Variants in MLLT3 observed in about 807,000 individuals in gnomAD.
MLLT3 encodes MLLT3 super elongation complex subunit.
In MLLT3, 4 loss-of-function variants were observed where a neutral mutation model predicts 53.2. That is an observed-to-expected ratio of 0.08 (90% confidence interval 0.04 to 0.17). The LOEUF (loss-of-function observed/expected upper bound fraction) is 0.17. Ranked by LOEUF, MLLT3 falls within the 10% of genes least tolerant of loss-of-function variation. The pLI is 1.00. For synonymous variants in MLLT3, 283 were observed against 230.6 expected, an observed-to-expected ratio of 1.23 and a Z score of -2.06; for missense variants, 569 against 684.0, an observed-to-expected ratio of 0.83 and a Z score of 1.87.
intron 2 of MLLT3, among the ~76,000 whole-genome samples, chr9:20,470,307 T>C (rs1298878594): frequency 6.6e-6 from 1 of 152,004 alleles, no homozygotes; most frequent in Non-Finnish European, 1.5e-5. Flanking sequence ...GGCATTATAA[T>C]CCCATCTTGA....
intron 10 of MLLT3, among the ~76,000 whole-genome samples, chr9:20,352,305 G>A (rs150875070): frequency 6.6e-6 from 1 of 152,322 alleles, no homozygotes; most frequent in Non-Finnish European, 1.5e-5. Flanking sequence ...TTGCTCCACA[G>A]TGGTTCAGAG....
intron 2 of MLLT3, among the ~76,000 whole-genome samples, chr9:20,591,851 G>A (rs1820138089): frequency 6.6e-6 from 1 of 152,170 alleles, no homozygotes; most frequent in Non-Finnish European, 1.5e-5. Context: ...AAGAAAGGAA[G>A]AGTGTTTTTA....
rs555068643 is a variant in MLLT3 at position 20,619,584 on chromosome 9, C to G, written c.193+1070G>C. Among the ~76,000 whole-genome samples, 55 of 152,334 alleles carry G rather than the reference C, an allele frequency of 3.6e-4. No individual in the cohort carries two copies. In the South Asian group the frequency reaches 3.9e-3, roughly 11 times the overall value. ...TTACGGATCAAATGGAAGATAACTACTAACCATTGTGTCGACTTAGATAAA... is the reference window on the plus strand; with the variant it reads ...TTACGGATCAAATGGAAGATAACTAGTAACCATTGTGTCGACTTAGATAAA... On this transcript the variant is annotated intron_variant, in intron 2 of 10. Transcript: ENST00000380338.
At chr9:20,480,916 G>A (rs1041125141) in intron 2 of MLLT3, among the ~76,000 whole-genome samples, 2 of 152,050 alleles carry the variant, frequency 1.3e-5, no homozygotes, top group Non-Finnish European at 2.9e-5. Flanking sequence ...CTTATTCAAA[G>A]GAGAATAAAA....
intron 5 of MLLT3, among the ~76,000 whole-genome samples, chr9:20,378,423 T>G (rs61369948): frequency 0.029 from 4,391 of 152,124 alleles, 173 homozygotes; most frequent in Admixed American, 0.098. Context: ...CATTTTACAG[T>G]ATTTTATAAC....
In MLLT3 at chr9:20,610,380, T is replaced by C. The variant is rs573645123; in HGVS notation, c.193+10274A>G. ...ATTCATTTTTGCCTATTACAAATGC[T>C]AGAACACATTCTAGAAAATGTGATT... On this transcript the variant is annotated intron_variant, in intron 2 of 10. Coordinates refer to ENST00000380338, the MANE Select transcript of MLLT3 (RefSeq NM_004529.4). Among the ~76,000 whole-genome samples the C allele has an allele frequency of 4.6e-5, 7 of 152,278 alleles. No homozygotes were observed. The East Asian group carries it at 1.3e-3, about 29-fold the overall frequency.
intron 5 of MLLT3, among the ~76,000 whole-genome samples, chr9:20,412,534 C>T (rs747436698): frequency 6.2e-4 from 95 of 152,182 alleles, no homozygotes; most frequent in Non-Finnish European, 1.2e-3. Context: ...TGGCTTTCTA[C>T]CCAGAACAGT....
chr9:20,545,002 G>C (rs1335166273), intron 2 of MLLT3, among the ~76,000 whole-genome samples: 3 of 145,956 alleles, frequency 2.1e-5, no homozygotes, highest in Non-Finnish European at 3.0e-5. Flanking sequence ...GGCTGAGGTA[G>C]AAGGGCCATT....
chr9:20,431,283 T>C (rs1321126673), intron 4 of MLLT3, among the ~76,000 whole-genome samples: 1 of 152,132 alleles, frequency 6.6e-6, no homozygotes, highest in Non-Finnish European at 1.5e-5. Flanking sequence ...TTTATATTTT[T>C]AGGCCCCACC....
chr9:20,585,493 G>A (rs1391939768), intron 2 of MLLT3, among the ~76,000 whole-genome samples: 2 of 152,278 alleles, frequency 1.3e-5, no homozygotes, highest in South Asian at 2.1e-4. Context: ...GTAAAGAACC[G>A]TGAAACCATC....
intron 2 of MLLT3, among the ~76,000 whole-genome samples, chr9:20,564,150 T>C: frequency 6.6e-6 from 1 of 152,104 alleles, no homozygotes; most frequent in Non-Finnish European, 1.5e-5. Context: ...CATCCCTGAG[T>C]GCATACCCTT....
At chr9:20,550,230 T>A (rs1480594929) in intron 2 of MLLT3, among the ~76,000 whole-genome samples, 3 of 152,158 alleles carry the variant, frequency 2.0e-5, no homozygotes, top group Admixed American at 2.0e-4. Flanking sequence ...AAGCACTTCA[T>A]GAGAGAAGTG....
chr9:20,381,147 C>T lies in MLLT3; in HGVS notation c.1126-15403G>A, dbSNP rs867550352. Among the ~76,000 whole-genome samples, 11 of 152,040 alleles carry T rather than the reference C, an allele frequency of 7.2e-5. No individual in the cohort carries two copies. In the Middle Eastern group the frequency reaches 0.01, roughly 141 times the overall value. Reference sequence around the variant, plus strand: ...GAAATCTCAAAAGAAAATGCTCCAACAAAGTATTTTAAACCTTTAGATATT... The same window carrying T: ...GAAATCTCAAAAGAAAATGCTCCAATAAAGTATTTTAAACCTTTAGATATT... On this transcript the variant is annotated intron_variant, in intron 5 of 10. Transcript: ENST00000380338.
chr9:20,600,183 C>T (rs1426829832), intron 2 of MLLT3, among the ~76,000 whole-genome samples: 1 of 150,712 alleles, frequency 6.6e-6, no homozygotes, highest in Admixed American at 6.6e-5. Context: ...GATACCTGGG[C>T]AGTACTAAAC....
chr9:20,454,710 G>A (rs1367518478), intron 3 of MLLT3, among the ~76,000 whole-genome samples: 1 of 152,118 alleles, frequency 6.6e-6, no homozygotes, highest in Non-Finnish European at 1.5e-5. Context: ...TGACAAGAGG[G>A]AAGAAAAGCA....
chr9:20,355,141 T>C (rs924303915), intron 8 of MLLT3, among the ~76,000 whole-genome samples: 38 of 148,454 alleles, frequency 2.6e-4, no homozygotes, highest in African/African-American at 9.3e-4. Context: ...GATAAGGAAA[T>C]TGATCTAAGC....
chr9:20,400,117 G>A (rs188245194), intron 5 of MLLT3, among the ~76,000 whole-genome samples: 2 of 151,710 alleles, frequency 1.3e-5, no homozygotes, highest in East Asian at 3.9e-4. Flanking sequence ...AGATGGTCTG[G>A]CCCAGAAAAA....
chr9:20,365,506 T>A (rs931759509), intron 6 of MLLT3, among the ~76,000 whole-genome samples, 163 bp downstream of exon 6: 9 of 152,046 alleles, frequency 5.9e-5, no homozygotes, highest in African/African-American at 2.2e-4. Flanking sequence ...CCTGGCTAAT[T>A]TTTTGTATTT....
At chr9:20,347,436 C>A (rs1056334736) in intron 10 of MLLT3, among the ~76,000 whole-genome samples, 1 of 152,104 alleles carries the variant, frequency 6.6e-6, no homozygotes, top group Admixed American at 6.5e-5. Context: ...TACCTCATTT[C>A]TTCTTGTATT....
Sources: allele counts gnomAD v4.1 joint callset (sites outside exome capture counted in the v4.1 genomes callset), GRCh38; gene constraint gnomAD v4.1.1; transcripts MANE v1.5; gene names NCBI Gene and HGNC (gene_info 2026-07-23, HGNC 2026-07-21).